The following CRYBG1 variants were observed in gnomAD, a reference collection of about 807,000 sequenced individuals.
The protein encoded by CRYBG1 is beta/gamma crystallin domain-containing protein 1.
Under a neutral mutation model 189.2 loss-of-function variants are expected in CRYBG1, and 139 were observed. That is an observed-to-expected ratio of 0.73 (90% CI 0.64 to 0.85). CRYBG1 has a LOEUF of 0.85. Ranked by LOEUF, CRYBG1 falls within the 40% of genes least tolerant of loss-of-function variation. The pLI, the probability that CRYBG1 is intolerant of heterozygous loss-of-function variation, is 0.00. For synonymous variants in CRYBG1, 1,023 were observed against 1,017.1 expected (o/e 1.01, Z -0.11); for missense variants, 2,611 against 2,675.8 (o/e 0.98, Z 0.53).
At chr6:106,454,237 G>T (rs1195955166) in intron 2 of CRYBG1, among the ~76,000 whole-genome samples, 1 of 152,092 alleles carries the variant, frequency 6.6e-6, no homozygotes, top group Non-Finnish European at 1.5e-5. Flanking sequence ...GGGCCGGGAG[G>T]AGGCAAGAGG....
Position 106,360,899 on chromosome 6 carries a change from G to A in CRYBG1, c.-10G>A. On this transcript the variant is annotated 5_prime_UTR_variant, in exon 1 of 22. Coordinates refer to ENST00000633556, the MANE Select transcript of CRYBG1 (RefSeq NM_001371242.2). ...CGTCCCGGCAGTCGGAGCGGGAGGAGGACAAGACGATGCCGCTGTCCCCGC... is the reference window on the plus strand; with the variant it reads ...CGTCCCGGCAGTCGGAGCGGGAGGAAGACAAGACGATGCCGCTGTCCCCGC... The A allele has an allele frequency of 6.5e-7, 1 of 1,530,862 alleles. No homozygotes were observed. Among genetic ancestry groups the A allele is most frequent in the Non-Finnish European group, 8.7e-7 (1 of 1,144,328 alleles). 94.8% of individuals were successfully genotyped at this position (1,530,862 alleles called of 1,614,324 possible). A position where few individuals can be genotyped will look rare whatever the true frequency, so the allele number is the denominator to read the frequency against.
chr6:106,386,845 C>G (rs1770400521), intron 1 of CRYBG1, among the ~76,000 whole-genome samples: 1 of 152,094 alleles, frequency 6.6e-6, no homozygotes, highest in Non-Finnish European at 1.5e-5. Context: ...CTTAATAGGC[C>G]CTGGACCACT....
At chr6:106,561,311 T>C in intron 19 of CRYBG1, 31 bp from the exon 20 acceptor site, 1 of 1,608,444 alleles carries the variant, frequency 6.2e-7, no homozygotes, top group Non-Finnish European at 8.5e-7. Context: ...GCACATCTGG[T>C]ATAACAACTG....
At chr6:106,483,173 T>C (rs776078980) in intron 2 of CRYBG1, among the ~76,000 whole-genome samples, 12 of 152,008 alleles carry the variant, frequency 7.9e-5, no homozygotes, top group Non-Finnish European at 1.6e-4. Flanking sequence ...GCCACTGTTC[T>C]ACTCTCTGCT....
chr6:106,370,828 C>T (rs6939401), intron 1 of CRYBG1, among the ~76,000 whole-genome samples: 1,676 of 152,284 alleles, frequency 0.011, 37 homozygotes, highest in African/African-American at 0.039. Flanking sequence ...ACTCATCTGA[C>T]TTCCTGATGA....
intron 3 of CRYBG1, among the ~76,000 whole-genome samples, chr6:106,517,490 A>T (rs1773468211): frequency 2.0e-5 from 3 of 150,770 alleles, no homozygotes; most frequent in African/African-American, 7.4e-5. Context: ...ATATACACAC[A>T]CACACACATA....
Position 106,512,952 on chromosome 6 carries a change from G to A in CRYBG1, c.1835G>A (p.Gly612Glu). The change falls in exon 3 of 22, where the codon GGA becomes GAA. Residue 612 changes from glycine to glutamate, a missense_variant. Physicochemically the swap from Gly to Glu is moderately conservative, Grantham distance 98. Coordinates refer to ENST00000633556, the MANE Select transcript of CRYBG1 (RefSeq NM_001371242.2). ...AGCAGAGAGCTGGGCAGAGCGGCCGGAGCGCCTGGAGCTTCTGACGCCGAC... is the reference window on the plus strand; with the variant it reads ...AGCAGAGAGCTGGGCAGAGCGGCCGAAGCGCCTGGAGCTTCTGACGCCGAC... ...GRSRELGRAA[G>E]APGASDADGL... 1 of 1,610,804 alleles carries A rather than the reference G, an allele frequency of 6.2e-7. No individual in the cohort carries two copies. Among genetic ancestry groups the A allele is most frequent in the Admixed American group, 1.7e-5 (1 of 59,802 alleles).
At chr6:106,366,318 T>A (rs1369786660) in intron 1 of CRYBG1, among the ~76,000 whole-genome samples, 1 of 152,176 alleles carries the variant, frequency 6.6e-6, no homozygotes, top group Non-Finnish European at 1.5e-5. Context: ...TTCCTTATAC[T>A]AAAGGAAAGA....
chr6:106,467,450 C>CT (rs1772137241), intron 2 of CRYBG1, among the ~76,000 whole-genome samples: 1 of 151,430 alleles, frequency 6.6e-6, no homozygotes, highest in African/African-American at 2.4e-5. Context: ...CCAGCCTGGG[C>CT]AACAGAGTAA....
At chr6:106,381,281 A>G (rs1248604323) in intron 1 of CRYBG1, among the ~76,000 whole-genome samples, 1 of 152,236 alleles carries the variant, frequency 6.6e-6, no homozygotes, top group Non-Finnish European at 1.5e-5. Context: ...ATAAAATAGC[A>G]TATTGCTTTC....
rs1380354456 is a variant in CRYBG1 at position 106,367,494 on chromosome 6, G to A, written c.173+6413G>A. ...CCCGTCTACTTGGGAGGTTGAGGCAGGAGAATCACTTGAACCAGGGAGTCA... is the reference window on the plus strand; with the variant it reads ...CCCGTCTACTTGGGAGGTTGAGGCAAGAGAATCACTTGAACCAGGGAGTCA... On this transcript the variant is annotated intron_variant, in intron 1 of 21. Transcript: ENST00000633556. 4.7e-5 allele frequency among the ~76,000 whole-genome samples: 7 copies of A among 149,438 alleles called. No homozygotes were observed. In the East Asian group the frequency reaches 1.4e-3, roughly 30 times the overall value.
rs1775005887 is a variant in CRYBG1, at chr6:106,569,847, C to T, written c.*1281C>T. On this transcript the variant is annotated 3_prime_UTR_variant, in exon 22 of 22. Transcript: ENST00000633556. ...TCTTGGGGGCACTATAGCCACTAAA[C>T]GAGGTGTGAAAGGCTCAAGAGGATG... The T allele has an allele frequency of 6.6e-6, 1 of 152,148 alleles. No homozygotes were observed. Among genetic ancestry groups the T allele is most frequent in the Non-Finnish European group, 1.5e-5 (1 of 68,052 alleles). The allele number at this position is 152,148 out of a possible 1,614,324, so 9.4% of individuals were successfully genotyped here. A position where few individuals can be genotyped will look rare whatever the true frequency, so the allele number is the denominator to read the frequency against.
intron 6 of CRYBG1, 73 bp downstream of exon 6, chr6:106,525,459 A>G (rs574169164): frequency 3.4e-5 from 39 of 1,153,240 alleles, no homozygotes; most frequent in Non-Finnish European, 4.5e-5. Context: ...TTTAGTCCTC[A>G]CTACTAGTTT....
Position 106,568,593 on chromosome 6 carries a change from A to AGGTCCTTCCAGCCACCTT in CRYBG1, c.*28_*45dup. On this transcript the variant is annotated 3_prime_UTR_variant, in exon 22 of 22. Coordinates refer to ENST00000633556, the MANE Select transcript of CRYBG1 (RefSeq NM_001371242.2). ...CAAAGAAGGAAGAAGAATCTTCTGG[A>AGGTCCTTCCAGCCACCTT]GGTCCTTCCAGCCACCTTATTTCTT... is the stretch of plus-strand genomic sequence containing the variant. 6.5e-7 allele frequency: 1 copy of AGGTCCTTCCAGCCACCTT among 1,529,302 alleles called. No individual in the cohort carries two copies. Among genetic ancestry groups the AGGTCCTTCCAGCCACCTT allele is most frequent in the Non-Finnish European group, 9.1e-7 (1 of 1,104,708 alleles). 94.7% of individuals were successfully genotyped at this position (1,529,302 alleles called of 1,614,324 possible).
intron 2 of CRYBG1, among the ~76,000 whole-genome samples, chr6:106,501,869 ATAAATCCACTAT>A (rs1773018367): frequency 6.6e-6 from 1 of 152,248 alleles, no homozygotes; most frequent in Non-Finnish European, 1.5e-5. Flanking sequence ...TTTTCTAGAA[ATAAATCCACTAT>A]TAAATCCACA....
chr6:106,507,754 G>A (rs979645998), intron 2 of CRYBG1, among the ~76,000 whole-genome samples: 2 of 152,138 alleles, frequency 1.3e-5, no homozygotes, highest in African/African-American at 4.8e-5. Flanking sequence ...AATACGTATC[G>A]CATTTAGGAA....
chr6:106,543,966 C>T (rs1317685047), intron 11 of CRYBG1, among the ~76,000 whole-genome samples: 4 of 152,186 alleles, frequency 2.6e-5, no homozygotes, highest in East Asian at 1.9e-4. Context: ...GCAGGAGAAT[C>T]GCTTGAACTC....
rs750638973 is a variant in CRYBG1, at chr6:106,520,657, A to C, written c.3449A>C (p.Lys1150Thr). ...CCTATTCACGAAGACCATTTAGAAA[A>C]GGTGTTTGATCCCAAAGTGTTTACC... Reference protein sequence around the residue: ...MPPIHEDHLEKVFDPKVFTFG... With the variant: ...MPPIHEDHLETVFDPKVFTFG... Residue 1150 changes from lysine (K) to threonine (T), a missense_variant, in exon 4 of 22, where the codon AAG becomes ACG. Lys to Thr is a moderately conservative substitution (Grantham distance 78). Coordinates refer to ENST00000633556, the MANE Select transcript of CRYBG1 (RefSeq NM_001371242.2). 1 of 1,614,170 alleles carries C rather than the reference A, an allele frequency of 6.2e-7. No homozygotes were observed. Among genetic ancestry groups the C allele is most frequent in the South Asian group, 1.1e-5 (1 of 91,084 alleles).
At chr6:106,554,333 G>T (rs1247193818) in intron 16 of CRYBG1, among the ~76,000 whole-genome samples, 1 of 152,194 alleles carries the variant, frequency 6.6e-6, no homozygotes, top group East Asian at 1.9e-4. Context: ...ACAGATGGAG[G>T]CCGGGTGCAG....
Sources: gnomAD v4.1 joint callset for allele counts (sites outside exome capture counted in the v4.1 genomes callset) on GRCh38, gnomAD v4.1.1 for gene constraint, MANE v1.5 for transcripts, NCBI Gene and HGNC (gene_info 2026-07-23, HGNC 2026-07-21) for gene names.